KSR2: variants seen among roughly 807,000 people sequenced by gnomAD.
The protein encoded by KSR2 is kinase suppressor of ras 2.
KSR2 carries 25 observed loss-of-function variants against 107.8 expected under a neutral mutation model. The observed-to-expected ratio is 0.23, with a 90% CI of 0.17 to 0.32. The LOEUF (loss-of-function observed/expected upper bound fraction) is 0.32, where lower values mean the gene tolerates loss of function less well. Ranked by LOEUF, KSR2 falls within the 10% of genes least tolerant of loss-of-function variation. The pLI is 1.00. For synonymous variants in KSR2, 480 were observed against 507.0 expected, an observed-to-expected ratio of 0.95 and a Z score of 0.71; for missense variants, 887 against 1,268.9, an observed-to-expected ratio of 0.70 and a Z score of 4.57.
At chr12:117,799,144 A>C (rs1426192172) in intron 3 of KSR2, among the ~76,000 whole-genome samples, 1 of 152,242 alleles carries the variant, frequency 6.6e-6, no homozygotes, top group Non-Finnish European at 1.5e-5. Context: ...TATTGGAAAT[A>C]GATAGTGGTG....
chr12:117,638,640 T>C (rs1285012027), intron 5 of KSR2, among the ~76,000 whole-genome samples: 1 of 152,132 alleles, frequency 6.6e-6, no homozygotes, highest in African/African-American at 2.4e-5. Context: ...CAGGGGAAAG[T>C]GAGACCTGGT....
intron 1 of KSR2, 21 bp downstream of exon 1, chr12:117,968,055 T>C (rs1566104811): frequency 3.4e-6 from 3 of 879,016 alleles, no homozygotes; most frequent in Admixed American, 2.9e-5. Flanking sequence ...TTTTTTTTTT[T>C]TTCCCGTAGG....
At chr12:117,555,124 AG>A (rs1877573516) in intron 9 of KSR2, 44 bp downstream of exon 9, 55 of 1,612,602 alleles carry the variant, frequency 3.4e-5, no homozygotes, top group Non-Finnish European at 4.7e-5. Flanking sequence ...CTCACCCAGC[AG>A]TGCCAGCCCC....
At chr12:117,901,738 T>C (rs2137395919) in intron 1 of KSR2, among the ~76,000 whole-genome samples, 1 of 152,268 alleles carries the variant, frequency 6.6e-6, no homozygotes, top group East Asian at 1.9e-4. Flanking sequence ...ATAAGAACCG[T>C]CATTTCCAGT....
chr12:117,639,240 A>C (rs1009239628), intron 5 of KSR2, among the ~76,000 whole-genome samples: 3 of 152,086 alleles, frequency 2.0e-5, no homozygotes, highest in Non-Finnish European at 4.4e-5. Context: ...TAAAGTATAC[A>C]TATTAATAGA....
At chr12:117,869,172 G>A (rs951061073) in intron 1 of KSR2, among the ~76,000 whole-genome samples, 10 of 152,106 alleles carry the variant, frequency 6.6e-5, no homozygotes, top group African/African-American at 2.4e-4. Flanking sequence ...AGGAGTTTGA[G>A]ACCAGCCTGA....
chr12:117,578,364 G>A (rs1879412705), intron 7 of KSR2, among the ~76,000 whole-genome samples: 1 of 152,074 alleles, frequency 6.6e-6, no homozygotes, highest in South Asian at 2.1e-4. Context: ...GAGCCTGACG[G>A]GGGAGGATCA....
At chr12:117,879,498 T>C (rs1202372302) in intron 1 of KSR2, among the ~76,000 whole-genome samples, 1 of 152,234 alleles carries the variant, frequency 6.6e-6, no homozygotes, top group Non-Finnish European at 1.5e-5. Flanking sequence ...TAAAGAGTAG[T>C]TTTTTAAAAT....
At chr12:117,571,216 C>A (rs1343548093) in intron 7 of KSR2, among the ~76,000 whole-genome samples, 1 of 152,060 alleles carries the variant, frequency 6.6e-6, no homozygotes, top group Non-Finnish European at 1.5e-5. Flanking sequence ...CGAGATCATG[C>A]CTCTGTACTC....
chr12:117,591,338 G>A (rs904562140), intron 5 of KSR2, among the ~76,000 whole-genome samples: 2 of 152,156 alleles, frequency 1.3e-5, no homozygotes, highest in African/African-American at 2.4e-5. Flanking sequence ...ACCTGGAGGA[G>A]TCTTCCTCCA....
At chr12:117,519,105 T>C (rs536314044) in intron 14 of KSR2, among the ~76,000 whole-genome samples, 1 of 152,342 alleles carries the variant, frequency 6.6e-6, no homozygotes, top group East Asian at 1.9e-4. Flanking sequence ...CGGGGTCCGA[T>C]GAATGTCTGT....
intron 4 of KSR2, among the ~76,000 whole-genome samples, chr12:117,737,135 T>C (rs947171398): frequency 1.1e-4 from 17 of 152,218 alleles, no homozygotes; most frequent in African/African-American, 4.1e-4. Flanking sequence ...GTGGCGAGAG[T>C]ATGACTTCAA....
At chr12:117,828,954 G>A (rs187753136) in intron 3 of KSR2, among the ~76,000 whole-genome samples, 54 of 152,322 alleles carry the variant, frequency 3.5e-4, no homozygotes, top group Middle Eastern at 3.4e-3. Flanking sequence ...TGAAGAGTCT[G>A]GGACAGCCAA....
At chr12:117,592,824 G>A (rs1475346654) in intron 5 of KSR2, among the ~76,000 whole-genome samples, 1 of 152,064 alleles carries the variant, frequency 6.6e-6, no homozygotes, top group Non-Finnish European at 1.5e-5. Flanking sequence ...GTAGGGCAAG[G>A]GGTGTGGGGA....
In KSR2 at chr12:117,805,026, C is replaced by T. The variant is rs76055503; in HGVS notation, c.473-43502G>A. Among the ~76,000 whole-genome samples, 280 of 152,268 alleles carry T rather than the reference C, an allele frequency of 1.8e-3. 2 individuals are homozygous for T. Among genetic ancestry groups the T allele is most frequent in the African/African-American group, 6.4e-3 (266 of 41,564 alleles). On this transcript the variant is annotated intron_variant, in intron 3 of 19. Coordinates refer to ENST00000339824, the MANE Select transcript of KSR2 (RefSeq NM_173598.6). ...GGCTCTAAGTAGGGTGACCAACCAT[C>T]GCGGATGGACTGAGGGATTTCCAAG...
intron 1 of KSR2, among the ~76,000 whole-genome samples, chr12:117,861,687 C>T (rs958857241): frequency 2.6e-5 from 4 of 151,884 alleles, no homozygotes; most frequent in Admixed American, 6.6e-5. Context: ...CGCGCCCAGC[C>T]GAGGACTCCC....
chr12:117,919,447 C>T (rs376920129), intron 1 of KSR2, among the ~76,000 whole-genome samples: 6 of 152,156 alleles, frequency 3.9e-5, no homozygotes, highest in African/African-American at 7.2e-5. Flanking sequence ...GAACACAACC[C>T]GGCAGAATGT....
chr12:117,772,835 G>A (rs1889554978), intron 3 of KSR2, among the ~76,000 whole-genome samples: 2 of 152,046 alleles, frequency 1.3e-5, no homozygotes, highest in African/African-American at 4.8e-5. Flanking sequence ...CGGGAACATC[G>A]ACTCGCCCTC....
intron 2 of KSR2, 59 bp from the exon 3 acceptor site, chr12:117,855,637 G>C: frequency 6.4e-7 from 1 of 1,558,538 alleles, no homozygotes; most frequent in South Asian, 1.1e-5. Context: ...CTGCCTCCAC[G>C]CTGCCCTGTA....
Sources: allele counts gnomAD v4.1 joint callset (sites outside exome capture counted in the v4.1 genomes callset), GRCh38; gene constraint gnomAD v4.1.1; transcripts MANE v1.5; gene names NCBI Gene and HGNC (gene_info 2026-07-23, HGNC 2026-07-21).